The following PCDHGB1 variants were observed in gnomAD, a reference collection of about 807,000 sequenced individuals.
PCDHGB1 encodes protocadherin gamma subfamily B, 1, also known as protocadherin gamma-B1.
In PCDHGB1, 34 loss-of-function variants were observed where a neutral mutation model predicts 56.6. The ratio of observed to expected loss-of-function variants is 0.60; its 90% confidence interval spans 0.46 to 0.80. PCDHGB1 has a LOEUF of 0.80. Among genes scored for constraint, PCDHGB1 ranks in the 30% least tolerant of loss-of-function variants. The pLI is 0.00. For missense variants in PCDHGB1, 1,278 were observed against 1,204.6 expected (o/e 1.06, Z -0.90); for synonymous variants, 561 against 505.9 (o/e 1.11, Z -1.46).
intron 1 of PCDHGB1, chr5:141,366,586 C>G (rs1373110985): frequency 6.2e-7 from 1 of 1,614,262 alleles, no homozygotes; most frequent in Non-Finnish European, 8.5e-7. Flanking sequence ...TCCTGCAGAC[C>G]TATTCCCACG....
At chr5:141,392,903 G>A in intron 1 of PCDHGB1, 1 of 1,613,884 alleles carries the variant, frequency 6.2e-7, no homozygotes, top group South Asian at 1.1e-5. Flanking sequence ...GGAGGGGACA[G>A]ATTCGCTACT....
intron 1 of PCDHGB1, chr5:141,362,281 C>T: frequency 2.4e-5 from 39 of 1,614,016 alleles, no homozygotes; most frequent in Non-Finnish European, 3.2e-5. Context: ...CCTGCGCCTG[C>T]GACTCTCTTC....
Position 141,487,401 on chromosome 5 carries a change from T to C in PCDHGB1, c.2410-7406T>C, listed in dbSNP as rs2099644244. The C allele has an allele frequency of 6.2e-7, 1 of 1,614,134 alleles. No individual in the cohort carries two copies. The highest frequency in any genetic ancestry group is 1.3e-5 in the African/African-American group (1 of 75,046). On this transcript the variant is annotated intron_variant, in intron 1 of 3. Transcript: ENST00000523390. This position sits in a 1 kb window ranked among gnomAD's most constrained non-coding sequence, Gnocchi z 5.0. ...ACCAGATCTCGAAGGAGGGAGGGGCTTCCCCCTTCCAATGGGATCCTCCGA... is the reference window on the plus strand; with the variant it reads ...ACCAGATCTCGAAGGAGGGAGGGGCCTCCCCCTTCCAATGGGATCCTCCGA...
At chr5:141,437,660 G>A (rs1021986333) in intron 1 of PCDHGB1, among the ~76,000 whole-genome samples, 6 of 151,866 alleles carry the variant, frequency 4.0e-5, no homozygotes, top group Non-Finnish European at 5.9e-5. Flanking sequence ...ACATAGTTTC[G>A]AAGAGATGTT....
At chr5:141,360,235 C>G in intron 1 of PCDHGB1, 1 of 1,613,896 alleles carries the variant, frequency 6.2e-7, no homozygotes, top group Non-Finnish European at 8.5e-7. Context: ...AGTCCAGATC[C>G]GCTATTCAAT....
In PCDHGB1 at chr5:141,399,495, T is replaced by G. The variant is rs779594817; in HGVS notation, c.2409+46826T>G. On this transcript the variant is annotated intron_variant, in intron 1 of 3. Transcript: ENST00000523390. ...TCCACCAGGCGTCCTACTTAGTCAGTGTACCCGAAAACAACCCTCCTGGGG... is the reference window on the plus strand; with the variant it reads ...TCCACCAGGCGTCCTACTTAGTCAGGGTACCCGAAAACAACCCTCCTGGGG... 1.1e-5 allele frequency: 18 copies of G among 1,613,916 alleles called. No individual in the cohort carries two copies. Among genetic ancestry groups the G allele is most frequent in the Non-Finnish European group, 1.5e-5 (18 of 1,179,912 alleles).
Position 141,489,779 on chromosome 5 carries a change from T to C in PCDHGB1, c.2410-5028T>C, listed in dbSNP as rs1269302289. 1.9e-6 allele frequency: 3 copies of C among 1,614,168 alleles called. No homozygotes were observed. Among genetic ancestry groups the C allele is most frequent in the Non-Finnish European group, 2.5e-6 (3 of 1,179,996 alleles). On this transcript the variant is annotated intron_variant, in intron 1 of 3. Coordinates refer to ENST00000523390, the MANE Select transcript of PCDHGB1 (RefSeq NM_018922.3). The surrounding 1 kb of genome is among the most constrained non-coding windows in gnomAD (Gnocchi z 4.5). ...CTAAGCCCCAACAGCCACTTCTCTC[T>C]GAATGTGAAGACCCTAAAAGATGGG...
intron 1 of PCDHGB1, among the ~76,000 whole-genome samples, chr5:141,482,981 A>T (rs1377809325): frequency 6.7e-6 from 1 of 150,250 alleles, no homozygotes; most frequent in Admixed American, 6.6e-5. Flanking sequence ...GCTACTTGAG[A>T]GGTCGAGGCA....
intron 1 of PCDHGB1, chr5:141,366,348 C>T (rs374896827): frequency 6.2e-7 from 1 of 1,613,948 alleles, no homozygotes; most frequent in Admixed American, 1.7e-5. Context: ...GACATCCTGG[C>T]TGACCTAGGC....
At chr5:141,384,245 C>T (rs776707376) in intron 1 of PCDHGB1, 6 of 1,613,890 alleles carry the variant, frequency 3.7e-6, no homozygotes, top group Non-Finnish European at 5.1e-6. Context: ...AACGATAACC[C>T]ACCCACCTTC....
intron 1 of PCDHGB1, chr5:141,356,396 G>A (rs774336952): frequency 1.3e-6 from 2 of 1,581,424 alleles, no homozygotes; most frequent in Non-Finnish European, 8.6e-7. Context: ...AAGACCTATG[G>A]AAATTATTAT....
chr5:141,390,239 C>T (rs769717528), intron 1 of PCDHGB1: 1 of 1,614,022 alleles, frequency 6.2e-7, no homozygotes, highest in Admixed American at 1.7e-5. Flanking sequence ...CATCTGGGGC[C>T]TTATTTCCAC....
At chr5:141,445,805 A>G (rs2098478274) in intron 1 of PCDHGB1, among the ~76,000 whole-genome samples, 2 of 152,236 alleles carry the variant, frequency 1.3e-5, no homozygotes, top group South Asian at 4.1e-4. Flanking sequence ...GAAAATAAAT[A>G]GATGAAACTA....
At chr5:141,389,093 G>A in intron 1 of PCDHGB1, 1 of 1,614,018 alleles carries the variant, frequency 6.2e-7, no homozygotes, top group Non-Finnish European at 8.5e-7. Flanking sequence ...ATAAATTAGT[G>A]ACAGATGCTG....
At chr5:141,427,355 C>T (rs765449381) in intron 1 of PCDHGB1, 2 of 457,430 alleles carry the variant, frequency 4.4e-6, no homozygotes, top group African/African-American at 2.0e-5. Flanking sequence ...TAACTGAGGA[C>T]GCAGAACCCT....
At chr5:141,497,143 GA>G (rs928640875) in intron 2 of PCDHGB1, among the ~76,000 whole-genome samples, 7 of 149,992 alleles carry the variant, frequency 4.7e-5, no homozygotes, top group African/African-American at 9.8e-5. Context: ...CTGAGATCAC[GA>G]AAAAAAAATA....
intron 2 of PCDHGB1, among the ~76,000 whole-genome samples, chr5:141,502,537 G>A (rs900570745): frequency 2.0e-5 from 3 of 152,042 alleles, no homozygotes; most frequent in Admixed American, 6.6e-5. Context: ...GTTTGTTCGT[G>A]TGGTAAAAAC....
intron 1 of PCDHGB1, chr5:141,430,546 G>A (rs1323295073): frequency 2.5e-6 from 1 of 402,156 alleles, no homozygotes; most frequent in Non-Finnish European, 4.4e-6. Context: ...GAGCGCCGCT[G>A]TTCACCAATC....
intron 3 of PCDHGB1, 134 bp downstream of exon 3, chr5:141,505,615 C>T: frequency 2.0e-6 from 3 of 1,504,946 alleles, no homozygotes; most frequent in Non-Finnish European, 1.8e-6. Flanking sequence ...TCTGAAAGGA[C>T]CCACAATTCC....
Sources: gnomAD v4.1 joint callset for allele counts (sites outside exome capture counted in the v4.1 genomes callset) on GRCh38, gnomAD v4.1.1 for gene constraint, Gnocchi (gnomAD v3.1) non-coding constraint, MANE v1.5 for transcripts, NCBI Gene and HGNC (gene_info 2026-07-23, HGNC 2026-07-21) for gene names.